The following SFXN5 variants were observed in gnomAD, a reference collection of about 807,000 sequenced individuals.
The protein encoded by SFXN5 is sideroflexin-5.
A neutral mutation model predicts 50.2 loss-of-function variants in SFXN5; 43 were observed. The ratio of observed to expected loss-of-function variants is 0.86; its 90% confidence interval spans 0.67 to 1.11. The LOEUF (loss-of-function observed/expected upper bound fraction) is 1.11, where lower values mean the gene tolerates loss of function less well. Among genes scored for constraint, SFXN5 ranks in the 50% least tolerant of loss-of-function variants. The pLI, the probability that SFXN5 is intolerant of heterozygous loss-of-function variation, is 0.00. For missense variants in SFXN5, 463 were observed against 454.1 expected, an observed-to-expected ratio of 1.02 and a Z score of -0.18; for synonymous variants, 203 against 185.8, an observed-to-expected ratio of 1.09 and a Z score of -0.75.
At chr2:73,009,447 T>A (rs1183306958) in intron 6 of SFXN5, among the ~76,000 whole-genome samples, 2 of 152,194 alleles carry the variant, frequency 1.3e-5, no homozygotes, top group East Asian at 1.9e-4. Context: ...GTTCTTCAAA[T>A]CCAGTGGTTC....
At chr2:73,047,271 TATATAC>T (rs1445524382) in intron 2 of SFXN5, among the ~76,000 whole-genome samples, 5 of 71,176 alleles carry the variant, frequency 7.0e-5, no homozygotes, top group African/African-American at 1.9e-4. Flanking sequence ...TATATATATA[TATATAC>T]ACACATATAT....
chr2:73,055,811 G>T (rs565986771), intron 2 of SFXN5, among the ~76,000 whole-genome samples: 2 of 152,148 alleles, frequency 1.3e-5, no homozygotes, highest in South Asian at 4.1e-4. Context: ...TAGAGACCGG[G>T]TTTCACCATG....
At chr2:73,021,867 C>G (rs1013133239) in intron 5 of SFXN5, among the ~76,000 whole-genome samples, 1 of 152,210 alleles carries the variant, frequency 6.6e-6, no homozygotes, top group Admixed American at 6.5e-5. Flanking sequence ...GCCAGCCTAG[C>G]TCGTGTACAT....
chr2:73,005,922 G>GTGGGGGTGGGAGATTGAGTCTT, intron 6 of SFXN5, among the ~76,000 whole-genome samples: 1 of 151,734 alleles, frequency 6.6e-6, no homozygotes, highest in Non-Finnish European at 1.5e-5. Context: ...ATTGCAGGGG[G>GTGGGGGTGGGAGATTGAGTCTT]TGGGGGTGGG....
intron 1 of SFXN5, among the ~76,000 whole-genome samples, chr2:73,061,478 C>T (rs947782613): frequency 2.0e-5 from 3 of 152,052 alleles, no homozygotes; most frequent in Non-Finnish European, 4.4e-5. Context: ...CCTAATGATA[C>T]CATGTATATT....
intron 10 of SFXN5, among the ~76,000 whole-genome samples, chr2:72,986,299 C>T (rs557588299): frequency 9.8e-5 from 15 of 152,294 alleles, no homozygotes; most frequent in African/African-American, 3.6e-4. Context: ...CAGCAATGAC[C>T]TCTCACCCTC....
At chr2:72,958,752 T>C (rs1304646961) in intron 13 of SFXN5, among the ~76,000 whole-genome samples, 1 of 151,966 alleles carries the variant, frequency 6.6e-6, no homozygotes, top group Non-Finnish European at 1.5e-5. Flanking sequence ...ATGGCTCCAT[T>C]TGGAGTCCCA....
chr2:72,955,779 G>A (rs1673026568), intron 13 of SFXN5, among the ~76,000 whole-genome samples: 1 of 152,192 alleles, frequency 6.6e-6, no homozygotes, highest in Non-Finnish European at 1.5e-5. Flanking sequence ...TGTCTGTGTT[G>A]CAGTGGGGAG....
chr2:72,977,963 ACT>A lies in SFXN5; in HGVS notation c.626-6280_626-6279del, dbSNP rs532920070. Among the ~76,000 whole-genome samples the A allele has an allele frequency of 2.7e-4, 40 of 145,798 alleles. 1 individual carries two copies. In the South Asian group the frequency reaches 6.9e-3, roughly 25 times the overall value. On this transcript the variant is annotated intron_variant, in intron 10 of 13. Transcript: ENST00000272433. ...ACTCCAGCCTGGGCAACAGAGAGAGACTCTGCCTCAGAAAAAAAAAAAAAAGA... is the reference window on the plus strand; with the variant it reads ...ACTCCAGCCTGGGCAACAGAGAGAGACTGCCTCAGAAAAAAAAAAAAAAGA...
chr2:72,976,758 T>C (rs570840166), intron 10 of SFXN5, among the ~76,000 whole-genome samples: 7 of 152,316 alleles, frequency 4.6e-5, no homozygotes, highest in African/African-American at 1.7e-4. Flanking sequence ...CTAATTATAG[T>C]TCTCTTCTAA....
intron 3 of SFXN5, among the ~76,000 whole-genome samples, chr2:73,034,427 C>T (rs1678701314): frequency 6.6e-6 from 1 of 152,212 alleles, no homozygotes; most frequent in African/African-American, 2.4e-5. Context: ...TTCAGCAAAG[C>T]CCAAACACAG....
intron 3 of SFXN5, among the ~76,000 whole-genome samples, chr2:73,024,598 G>A (rs1227130699): frequency 6.6e-6 from 1 of 152,186 alleles, no homozygotes; most frequent in East Asian, 1.9e-4. Context: ...AGGCTGCAGT[G>A]AACCATGATT....
intron 9 of SFXN5, among the ~76,000 whole-genome samples, chr2:72,990,861 T>C (rs946253283): frequency 6.6e-6 from 1 of 152,200 alleles, no homozygotes; most frequent in African/African-American, 2.4e-5. Context: ...AGCACCTCCC[T>C]GACAATGGCC....
At chr2:72,971,177 GCCTCCCAGGCTT>G (rs1675122686) in intron 11 of SFXN5, among the ~76,000 whole-genome samples, 1 of 152,124 alleles carries the variant, frequency 6.6e-6, no homozygotes, top group Non-Finnish European at 1.5e-5. Flanking sequence ...CAAACCACTG[GCCTCCCAGGCTT>G]CCTCGGCTTA....
chr2:73,068,380 G>A (rs540369367), intron 1 of SFXN5, among the ~76,000 whole-genome samples: 40 of 152,128 alleles, frequency 2.6e-4, no homozygotes, highest in Non-Finnish European at 4.3e-4. Context: ...CCCTAAAGGA[G>A]CTCATCAACC....
chr2:73,007,910 C>A (rs1010598819), intron 6 of SFXN5, among the ~76,000 whole-genome samples: 1 of 152,152 alleles, frequency 6.6e-6, no homozygotes, highest in Non-Finnish European at 1.5e-5. Context: ...AATGTTTACC[C>A]CAGACCGGTC....
At chr2:73,071,017 G>C (rs978944199) in intron 1 of SFXN5, 6 of 152,556 alleles carry the variant, frequency 3.9e-5, no homozygotes, top group African/African-American at 1.4e-4. Flanking sequence ...AGCAGGGACG[G>C]GGGACGCCGG....
chr2:73,052,690 C>T (rs1027325804), intron 2 of SFXN5, among the ~76,000 whole-genome samples: 4 of 152,166 alleles, frequency 2.6e-5, no homozygotes, highest in Non-Finnish European at 5.9e-5. Flanking sequence ...AAATGCCTTC[C>T]ATCTTCGGTC....
At chr2:73,035,791 C>A (rs564675592) in intron 3 of SFXN5, among the ~76,000 whole-genome samples, 2 of 152,230 alleles carry the variant, frequency 1.3e-5, no homozygotes, top group Admixed American at 1.3e-4. Flanking sequence ...TGAGACACCA[C>A]GCTTGGCTGG....
Sources: gnomAD v4.1 joint callset for allele counts (sites outside exome capture counted in the v4.1 genomes callset) on GRCh38, gnomAD v4.1.1 for gene constraint, MANE v1.5 for transcripts, NCBI Gene and HGNC (gene_info 2026-07-23, HGNC 2026-07-21) for gene names.